Variants in MINDY4 observed in about 807,000 individuals in gnomAD.
MINDY4 encodes probable ubiquitin carboxyl-terminal hydrolase MINDY-4.
A neutral mutation model predicts 87.0 loss-of-function variants in MINDY4; 68 were observed. The observed-to-expected ratio is 0.78, with a 90% CI of 0.64 to 0.96. The LOEUF (loss-of-function observed/expected upper bound fraction) is 0.96, where lower values mean the gene tolerates loss of function less well. Ranked by LOEUF, MINDY4 falls within the 40% of genes least tolerant of loss-of-function variation. MINDY4 has a pLI of 0.00. For synonymous variants in MINDY4, 379 were observed against 363.2 expected (o/e 1.04, Z -0.50); for missense variants, 919 against 928.2 (o/e 0.99, Z 0.13).
At chr7:30,871,977 T>C (rs912056373) in intron 13 of MINDY4, among the ~76,000 whole-genome samples, 2 of 152,096 alleles carry the variant, frequency 1.3e-5, no homozygotes, top group African/African-American at 2.4e-5. Flanking sequence ...TGTTCTCTAG[T>C]GTAGGCAGAG....
intron 9 of MINDY4, among the ~76,000 whole-genome samples, chr7:30,845,505 A>T (rs928201056): frequency 2.0e-5 from 3 of 150,520 alleles, no homozygotes; most frequent in Non-Finnish European, 3.0e-5. Flanking sequence ...AGGATTTCAG[A>T]CATGATCCAG....
At chr7:30,847,399 A>G (rs2128569742) in intron 9 of MINDY4, among the ~76,000 whole-genome samples, 1 of 152,328 alleles carries the variant, frequency 6.6e-6, no homozygotes, top group South Asian at 2.1e-4. Flanking sequence ...CAAGAGCAAG[A>G]TCTCTTGATT....
chr7:30,783,958 T>G (rs1313829143), intron 3 of MINDY4, among the ~76,000 whole-genome samples: 1 of 152,188 alleles, frequency 6.6e-6, no homozygotes. Flanking sequence ...TGACATTAAA[T>G]TATGACCTTA....
chr7:30,809,157 A>G (rs1279148258), intron 5 of MINDY4, among the ~76,000 whole-genome samples: 4 of 152,214 alleles, frequency 2.6e-5, no homozygotes. Flanking sequence ...ATAACACTCC[A>G]GTACCACTTT....
chr7:30,858,122 G>T (rs1410319013), intron 12 of MINDY4: 1 of 151,972 alleles, frequency 6.6e-6, no homozygotes, highest in Non-Finnish European at 1.5e-5. Context: ...TTCAGTCACA[G>T]TTCATGGTTT....
intron 5 of MINDY4, among the ~76,000 whole-genome samples, chr7:30,794,177 T>C (rs1787410097): frequency 6.6e-6 from 1 of 152,164 alleles, no homozygotes; most frequent in South Asian, 2.1e-4. Context: ...ATGGTAAATA[T>C]ATCTGCATCC....
chr7:30,853,361 G>A (rs1309913451), intron 11 of MINDY4, 33 bp from the exon 12 acceptor site: 3 of 1,586,446 alleles, frequency 1.9e-6, no homozygotes, highest in Non-Finnish European at 2.6e-6. Context: ...GTGGGGCTTG[G>A]GCCACTCATC....
chr7:30,827,074 G>A (rs938054036), intron 5 of MINDY4, among the ~76,000 whole-genome samples: 6 of 152,108 alleles, frequency 3.9e-5, no homozygotes, highest in East Asian at 1.9e-4. Flanking sequence ...AAACCAGTTC[G>A]GAGCCTATTA....
intron 5 of MINDY4, among the ~76,000 whole-genome samples, chr7:30,804,068 G>A (rs937622598): frequency 6.6e-6 from 1 of 152,200 alleles, no homozygotes; most frequent in Non-Finnish European, 1.5e-5. Flanking sequence ...TCAAATGGTG[G>A]CTGAGGGATG....
At chr7:30,797,216 G>T (rs1407953577) in intron 5 of MINDY4, among the ~76,000 whole-genome samples, 1 of 152,238 alleles carries the variant, frequency 6.6e-6, no homozygotes, top group Non-Finnish European at 1.5e-5. Context: ...CCACCAGCCA[G>T]TCAGCTGTGA....
intron 6 of MINDY4, among the ~76,000 whole-genome samples, chr7:30,836,341 C>G (rs1163255638): frequency 6.6e-6 from 1 of 152,218 alleles, no homozygotes; most frequent in African/African-American, 2.4e-5. Flanking sequence ...GCTTAGGACC[C>G]AGGCACTTGT....
intron 5 of MINDY4, among the ~76,000 whole-genome samples, chr7:30,823,997 G>T (rs1004472065): frequency 6.6e-6 from 1 of 152,134 alleles, no homozygotes; most frequent in African/African-American, 2.4e-5. Flanking sequence ...CCATATAAAT[G>T]GGGTCAATTT....
chr7:30,821,834 A>G (rs1276683608), intron 5 of MINDY4, among the ~76,000 whole-genome samples: 5 of 152,170 alleles, frequency 3.3e-5, no homozygotes, highest in African/African-American at 1.2e-4. Context: ...TCACTAATCT[A>G]CTGTTTATGT....
At chr7:30,843,941 G>C (rs1357096452) in intron 9 of MINDY4, among the ~76,000 whole-genome samples, 1 of 152,192 alleles carries the variant, frequency 6.6e-6, no homozygotes, top group Non-Finnish European at 1.5e-5. Context: ...TGCCTGGCTG[G>C]ACCAGAGGAG....
chr7:30,840,550 C>A (rs1788999061), intron 8 of MINDY4, among the ~76,000 whole-genome samples: 2 of 152,208 alleles, frequency 1.3e-5, no homozygotes, highest in African/African-American at 4.8e-5. Context: ...CTGGCCCCTT[C>A]CCCTAGGAGT....
At chr7:30,807,557 T>G (rs1787850139) in intron 5 of MINDY4, among the ~76,000 whole-genome samples, 1 of 152,046 alleles carries the variant, frequency 6.6e-6, no homozygotes, top group Non-Finnish European at 1.5e-5. Flanking sequence ...CATGTTGTCT[T>G]ATGCCCAATT....
chr7:30,868,471 T>A (rs889923191), intron 13 of MINDY4, among the ~76,000 whole-genome samples: 2 of 152,228 alleles, frequency 1.3e-5, no homozygotes, highest in Non-Finnish European at 2.9e-5. Flanking sequence ...TCGAAGCCCA[T>A]GCATTGTGCA....
At position 30,791,515 on chromosome 7, in the gene MINDY4, G is replaced by T. The variant is rs1787321635; in HGVS notation, c.1014G>T (p.Met338Ile). 3.1e-6 allele frequency: 5 copies of T among 1,613,930 alleles called. No homozygotes were observed. The highest frequency in any genetic ancestry group is 4.2e-6 in the Non-Finnish European group (5 of 1,179,912). The part of the protein sequence containing the change: ...KLYLPGGNSR[M>I]TQERLERAFK... ...ACTTGCCTGGTGGTAATTCCAGGAT[G>T]ACCCAGGAGAGGCTGGAAAGAGCGT... Residue 338 changes from methionine (M) to isoleucine (I), a missense_variant, in exon 5 of 18, where the codon ATG becomes ATT. Met to Ile is a conservative substitution (Grantham distance 10). Coordinates refer to ENST00000265299, the MANE Select transcript of MINDY4 (RefSeq NM_032222.3).
At chr7:30,785,075 T>TTC (rs1787118926) in intron 3 of MINDY4, among the ~76,000 whole-genome samples, 1 of 146,858 alleles carries the variant, frequency 6.8e-6, no homozygotes, top group Middle Eastern at 3.2e-3. Flanking sequence ...CTTGCCTTCT[T>TTC]TTTTTTTTTT....
Sources: allele counts gnomAD v4.1 joint callset (sites outside exome capture counted in the v4.1 genomes callset), GRCh38; gene constraint gnomAD v4.1.1; transcripts MANE v1.5; gene names NCBI Gene and HGNC (gene_info 2026-07-23, HGNC 2026-07-21).